Variants in DOCK7 observed in about 807,000 individuals in gnomAD.
The protein encoded by DOCK7 is dedicator of cytokinesis protein 7.
Under a neutral mutation model 271.0 loss-of-function variants are expected in DOCK7, and 138 were observed. That is an observed-to-expected ratio of 0.51 (90% CI 0.44 to 0.59). DOCK7 has a LOEUF of 0.59. Among genes scored for constraint, DOCK7 ranks in the 20% least tolerant of loss-of-function variants. DOCK7 has a pLI of 0.00. For synonymous variants in DOCK7, 823 were observed against 876.1 expected (o/e 0.94, Z 1.07); for missense variants, 2,066 against 2,592.4 (o/e 0.80, Z 4.41).
intron 13 of DOCK7, 140 bp from the exon 14 acceptor site, chr1:62,619,008 T>C (rs985649255): frequency 1.5e-6 from 1 of 673,592 alleles, no homozygotes; most frequent in Non-Finnish European, 2.5e-6. Context: ...TATTATCATC[T>C]CATGCCTCTA....
chr1:62,492,764 T>A lies in DOCK7; in HGVS notation c.5301A>T (p.Lys1767Asn). The A allele has an allele frequency of 6.2e-7, 1 of 1,614,102 alleles. No homozygotes were observed. Among genetic ancestry groups the A allele is most frequent in the Non-Finnish European group, 8.5e-7 (1 of 1,179,980 alleles). Residue 1767 changes from lysine (K) to asparagine (N), a missense_variant, in exon 41 of 50, where the codon AAA becomes AAT. Around this residue, in one of 2 missense-constraint regions of DOCK7, gnomAD observed 652 missense variants for 922.1 expected, o/e 0.71. Transcript: ENST00000635253. ...CCACAAGTCCTGACTCAGTAAAGTA[T>A]TTTCCAGAGCAGATACCTTCTTCAT... The part of the protein sequence containing the change: ...SPDEEGICSG[K>N]YFTESGLVGL...
chr1:62,515,282 T>C (rs921575069), intron 31 of DOCK7, among the ~76,000 whole-genome samples: 1 of 152,138 alleles, frequency 6.6e-6, no homozygotes. Flanking sequence ...TGCCCATGCA[T>C]ATAAGTGAAT....
intron 2 of DOCK7, among the ~76,000 whole-genome samples, chr1:62,658,156 G>A (rs1371835129): frequency 6.6e-6 from 1 of 150,830 alleles, no homozygotes; most frequent in African/African-American, 2.4e-5. Flanking sequence ...AAAAAAGAAA[G>A]AAAAGAAAAA....
At chr1:62,485,909 T>G (rs944487029) in intron 43 of DOCK7, 10 of 155,952 alleles carry the variant, frequency 6.4e-5, no homozygotes, top group Non-Finnish European at 9.8e-5. Context: ...AACAAGAAAA[T>G]AAAGTCTGTG....
intron 43 of DOCK7, chr1:62,484,349 A>G (rs1646229974): frequency 6.6e-6 from 1 of 152,122 alleles, no homozygotes; most frequent in East Asian, 1.9e-4. Flanking sequence ...TTAAAGAAAT[A>G]TGTTGTGATC....
chr1:62,528,129 TC>T, intron 31 of DOCK7, 21 bp downstream of exon 31: 2 of 1,583,768 alleles, frequency 1.3e-6, no homozygotes, highest in Non-Finnish European at 1.7e-6. Flanking sequence ...AAAAAAAAAT[TC>T]TGTAGGAGGA....
At chr1:62,528,934 A>G (rs1251054057) in intron 30 of DOCK7, among the ~76,000 whole-genome samples, 2 of 152,206 alleles carry the variant, frequency 1.3e-5, no homozygotes, top group African/African-American at 4.8e-5. Flanking sequence ...TTTTATATAT[A>G]TGAATCAAGT....
intron 29 of DOCK7, among the ~76,000 whole-genome samples, chr1:62,530,230 T>G (rs1472768964): frequency 6.6e-6 from 1 of 152,328 alleles, no homozygotes; most frequent in African/African-American, 2.4e-5. Context: ...ACTTCCAACT[T>G]AGGAAAGAAG....
chr1:62,614,445 C>T (rs1652195153), intron 14 of DOCK7, among the ~76,000 whole-genome samples: 1 of 151,878 alleles, frequency 6.6e-6, no homozygotes, highest in African/African-American at 2.4e-5. Flanking sequence ...GTTTTAAGGT[C>T]CCATGGACAT....
intron 14 of DOCK7, among the ~76,000 whole-genome samples, chr1:62,615,588 G>T (rs1314529032): frequency 1.3e-5 from 2 of 151,640 alleles, no homozygotes; most frequent in East Asian, 3.8e-4. Flanking sequence ...GCCTAAATCA[G>T]TATTCATATT....
chr1:62,624,310 C>T (rs572896246), intron 12 of DOCK7, among the ~76,000 whole-genome samples: 3 of 152,196 alleles, frequency 2.0e-5, no homozygotes, highest in Admixed American at 1.3e-4. Flanking sequence ...CTATTCTACT[C>T]GTGTTTTCTT....
chr1:62,680,858 T>G (rs898113171), intron 1 of DOCK7, among the ~76,000 whole-genome samples: 2 of 152,062 alleles, frequency 1.3e-5, no homozygotes, highest in African/African-American at 4.8e-5. Context: ...CCAGTTAGAA[T>G]GGCGATCATT....
chr1:62,684,283 T>A (rs540935445), intron 1 of DOCK7, among the ~76,000 whole-genome samples: 1 of 152,084 alleles, frequency 6.6e-6, no homozygotes, highest in South Asian at 2.1e-4. Context: ...ACAGTTGCTG[T>A]TTTTAGGCCT....
chr1:62,599,887 C>T (rs1388359567), intron 14 of DOCK7, among the ~76,000 whole-genome samples: 1 of 151,764 alleles, frequency 6.6e-6, no homozygotes, highest in Non-Finnish European at 1.5e-5. Context: ...ATATGCAGTA[C>T]AATAGTTTAA....
At chr1:62,684,146 T>C (rs949326650) in intron 1 of DOCK7, among the ~76,000 whole-genome samples, 1 of 148,558 alleles carries the variant, frequency 6.7e-6, no homozygotes, top group African/African-American at 2.5e-5. Context: ...GGCAGTGGGG[T>C]GGAGGTTGCA....
Position 62,477,803 on chromosome 1 carries a change from C to A in DOCK7, c.5531G>T (p.Arg1844Leu). ...GWERMFGTYF[R>L]VGFYGTKFGD... ...GAACTTGGTTCCATAAAAACCAACA[C>A]GAAAATAGGTGCCAAACATCCGCTT... Residue 1844 changes from arginine to leucine, a missense_variant, in exon 44 of 50, where the codon CGT (arginine) becomes CTT (leucine). Around this residue, in one of 2 missense-constraint regions of DOCK7, gnomAD observed 652 missense variants for 922.1 expected, o/e 0.71. Coordinates refer to ENST00000635253, the MANE Select transcript of DOCK7 (RefSeq NM_001367561.1). 6.2e-7 allele frequency: 1 copy of A among 1,608,638 alleles called. No homozygotes were observed. Among genetic ancestry groups the A allele is most frequent in the Non-Finnish European group, 8.5e-7 (1 of 1,178,228 alleles).
chr1:62,508,226 C>G (rs755332725), intron 34 of DOCK7, among the ~76,000 whole-genome samples, 168 bp from the exon 35 acceptor site: 2 of 152,122 alleles, frequency 1.3e-5, no homozygotes, highest in Non-Finnish European at 2.9e-5. Flanking sequence ...ATTTATGCAG[C>G]TTTTTTGTTA....
At chr1:62,618,619 T>C in intron 14 of DOCK7, 87 bp downstream of exon 14, 1 of 1,238,882 alleles carries the variant, frequency 8.1e-7, no homozygotes, top group Non-Finnish European at 1.1e-6. Context: ...CTACTTAAGA[T>C]TTTTGGAGAG....
rs901105233 is a variant in DOCK7 at position 62,475,073 on chromosome 1, A to T, written c.6105+135T>A. 3.7e-5 allele frequency: 36 copies of T among 981,104 alleles called. No homozygotes were observed. In the African/African-American group the frequency reaches 5.0e-4, roughly 14 times the overall value. 60.8% of individuals were successfully genotyped at this position (981,104 alleles called of 1,614,324 possible). A position where few individuals can be genotyped will look rare whatever the true frequency, so the allele number is the denominator to read the frequency against. ...ATTCCTTCTTAATAGAATTTATAAG[A>T]TCGCATAGGTAGAAAAATACAGGCA... On this transcript the variant is annotated intron_variant, in intron 47 of 49. Transcript: ENST00000635253.
Sources: allele counts gnomAD v4.1 joint callset (sites outside exome capture counted in the v4.1 genomes callset), GRCh38; gene constraint gnomAD v4.1.1; regional missense constraint gnomAD v4.1.1; transcripts MANE v1.5; gene names NCBI Gene and HGNC (gene_info 2026-07-23, HGNC 2026-07-21).